Variants in DMTF1 observed in about 807,000 individuals in gnomAD.
The protein encoded by DMTF1 is cyclin-D-binding Myb-like transcription factor 1.
Under a neutral mutation model 91.1 loss-of-function variants are expected in DMTF1, and 39 were observed. That is an observed-to-expected ratio of 0.43 (90% CI 0.33 to 0.56). The LOEUF is 0.56. Ranked by LOEUF, DMTF1 falls within the 20% of genes least tolerant of loss-of-function variation. The pLI is 0.05. For missense variants in DMTF1, 750 were observed against 914.5 expected (o/e 0.82, Z 2.32); for synonymous variants, 338 against 309.5 (o/e 1.09, Z -0.97).
rs551426148 is a variant in DMTF1 at position 87,171,508 on chromosome 7, G to A, written c.327+419G>A. On this transcript the variant is annotated intron_variant, in intron 5 of 17. Coordinates refer to ENST00000331242, the MANE Select transcript of DMTF1 (RefSeq NM_001142327.2). ...ATTTTGACATAGTTTGGTAGTTAATGTACTGTGTCTCCTTCCAGTGATGAG... is the reference window on the plus strand; with the variant it reads ...ATTTTGACATAGTTTGGTAGTTAATATACTGTGTCTCCTTCCAGTGATGAG... Among the ~76,000 whole-genome samples the A allele has an allele frequency of 5.3e-5, 8 of 152,266 alleles. No individual in the cohort carries two copies. The South Asian group carries it at 1.7e-3, about 32-fold the overall frequency.
At chr7:87,157,871 G>A (rs1791179351) in intron 1 of DMTF1, among the ~76,000 whole-genome samples, 1 of 150,974 alleles carries the variant, frequency 6.6e-6, no homozygotes, top group East Asian at 1.9e-4. Flanking sequence ...CCACCAGAAT[G>A]GTTTTATTTT....
At position 87,195,284 on chromosome 7, in the gene DMTF1, T is replaced by A; in HGVS notation, c.*144T>A. 1.7e-6 allele frequency: 1 copy of A among 605,284 alleles called. No individual in the cohort carries two copies. Among genetic ancestry groups the A allele is most frequent in the Non-Finnish European group, 2.9e-6 (1 of 342,510 alleles). 37.5% of individuals were successfully genotyped at this position (605,284 alleles called of 1,614,324 possible). On this transcript the variant is annotated 3_prime_UTR_variant, in exon 18 of 18. Coordinates refer to ENST00000331242, the MANE Select transcript of DMTF1 (RefSeq NM_001142327.2). ...CTTAAGCCACACACATTGTTGCTGCTATGACTTTTTACCTCCTTTAAACAC... is the reference window on the plus strand; with the variant it reads ...CTTAAGCCACACACATTGTTGCTGCAATGACTTTTTACCTCCTTTAAACAC...
At chr7:87,160,189 T>C (rs1476911748) in intron 1 of DMTF1, among the ~76,000 whole-genome samples, 1 of 152,170 alleles carries the variant, frequency 6.6e-6, no homozygotes, top group Non-Finnish European at 1.5e-5. Context: ...ATGTATTCTG[T>C]GTAACAACTG....
chr7:87,174,287 TTTTTTA>T (rs984932797), intron 6 of DMTF1, among the ~76,000 whole-genome samples: 23 of 152,186 alleles, frequency 1.5e-4, no homozygotes, highest in Non-Finnish European at 5.9e-5. Context: ...ATGTTTGGCT[TTTTTTA>T]TTTTTATAAG....
chr7:87,169,100 A>G (rs563764606), intron 4 of DMTF1, among the ~76,000 whole-genome samples: 10 of 152,072 alleles, frequency 6.6e-5, no homozygotes, highest in Non-Finnish European at 1.5e-4. Flanking sequence ...CTTCTGTATC[A>G]CCAGTTTTTC....
intron 1 of DMTF1, among the ~76,000 whole-genome samples, chr7:87,160,276 CTT>C (rs753441691): frequency 6.7e-4 from 90 of 134,534 alleles, no homozygotes; most frequent in Admixed American, 6.7e-4. Flanking sequence ...TTTGTCATTT[CTT>C]TTTTTTTTTT....
Position 87,173,635 on chromosome 7 carries a change from C to T in DMTF1, c.428C>T (p.Ser143Phe). 6.2e-7 allele frequency: 1 copy of T among 1,604,802 alleles called. No individual in the cohort carries two copies. Among genetic ancestry groups the T allele is most frequent in the Non-Finnish European group, 8.5e-7 (1 of 1,174,214 alleles). The change falls in exon 6 of 18, where the codon TCT (serine) becomes TTT (phenylalanine). Residue 143 changes from serine (S) to phenylalanine (F), a missense_variant. Physicochemically the swap from Ser to Phe is radical, Grantham distance 155. This residue lies in a region of DMTF1 where 190 missense variants were observed against 343.8 expected (regional missense o/e 0.55). Coordinates refer to ENST00000331242, the MANE Select transcript of DMTF1 (RefSeq NM_001142327.2). ...TTTACAACTAAAGAAGATAAGGATT[C>T]TCTGACTAATAAAGGTAAGATAACA... ...AWFTTKEDKD[S>F]LTNKGHKWKQ...
At chr7:87,156,112 A>G (rs576403777) in intron 1 of DMTF1, among the ~76,000 whole-genome samples, 5 of 152,304 alleles carry the variant, frequency 3.3e-5, no homozygotes, top group African/African-American at 1.2e-4. Context: ...GGTGCCTTGT[A>G]GAAAAGTACT....
intron 8 of DMTF1, 78 bp downstream of exon 8, chr7:87,179,780 T>C (rs1796951471): frequency 7.6e-7 from 1 of 1,312,208 alleles, no homozygotes; most frequent in Non-Finnish European, 1.0e-6. Flanking sequence ...TTTTAAACAA[T>C]AGAAATATGG....
chr7:87,193,213 C>A lies in DMTF1; in HGVS notation c.1510C>A (p.Pro504Thr). The A allele has an allele frequency of 6.2e-7, 1 of 1,613,172 alleles. No homozygotes were observed. Among genetic ancestry groups the A allele is most frequent in the Non-Finnish European group, 8.5e-7 (1 of 1,179,420 alleles). ...TTTCCTTTAGTCTTTCCATCTACAG[C>A]CCACTGGCACTCCAGGCACCTACCT... ...FEILPSFHLQ[P>T]TGTPGTYLLQ... Residue 504 changes from proline (P) to threonine (T), a missense_variant, in exon 15 of 18, where the codon CCC (proline) becomes ACC (threonine). This residue lies in a region of DMTF1 where 410 missense variants were observed against 420.2 expected (regional missense o/e 0.98). Transcript: ENST00000331242.
intron 10 of DMTF1, among the ~76,000 whole-genome samples, chr7:87,183,308 A>G (rs1376505947): frequency 1.3e-5 from 2 of 152,236 alleles, no homozygotes; most frequent in South Asian, 2.1e-4. Flanking sequence ...GATTTAGGAT[A>G]GGATCTCAGA....
At chr7:87,179,154 T>G (rs983927688) in intron 7 of DMTF1, among the ~76,000 whole-genome samples, 2 of 152,194 alleles carry the variant, frequency 1.3e-5, no homozygotes, top group Admixed American at 1.3e-4. Flanking sequence ...CATTTCAAGT[T>G]TTATTAATCT....
intron 1 of DMTF1, among the ~76,000 whole-genome samples, chr7:87,156,188 A>G (rs909258284): frequency 1.1e-4 from 17 of 152,316 alleles, no homozygotes; most frequent in Admixed American, 1.1e-3. Context: ...TGAACCATGC[A>G]TGAAGTGAAA....
chr7:87,160,986 T>C (rs887515596), intron 1 of DMTF1, among the ~76,000 whole-genome samples: 2 of 152,134 alleles, frequency 1.3e-5, no homozygotes, highest in African/African-American at 2.4e-5. Flanking sequence ...ACTCTAGTTT[T>C]ATATATTTAA....
At chr7:87,182,173 A>AT (rs754721692) in intron 9 of DMTF1, 55 bp from the exon 10 acceptor site, 1 of 1,612,496 alleles carries the variant, frequency 6.2e-7, no homozygotes, top group Admixed American at 1.7e-5. Context: ...AAATGATGAA[A>AT]TTAAAAGGGA....
rs1256802459 is a variant in DMTF1, at chr7:87,171,033, G to A, written c.271G>A (p.Ala91Thr). ...NDQSFEVTMT[A>T]TTEVADDEVT... ...TCAGAGCTTTGAAGTGACCATGACT[G>A]CAACCACAGAAGTAGCAGATGATGA... Residue 91 changes from alanine to threonine, a missense_variant, in exon 5 of 18, where the codon GCA becomes ACA. Around this residue, in one of 3 missense-constraint regions of DMTF1, gnomAD observed 150 missense variants for 150.4 expected, o/e 1.00. Transcript: ENST00000331242. 1 of 1,612,680 alleles carries A rather than the reference G, an allele frequency of 6.2e-7. No homozygotes were observed. Among genetic ancestry groups the A allele is most frequent in the African/African-American group, 1.3e-5 (1 of 74,988 alleles).
intron 5 of DMTF1, 115 bp downstream of exon 5, chr7:87,171,204 C>A: frequency 1.5e-6 from 1 of 666,636 alleles, no homozygotes. Context: ...GCACATGCCA[C>A]TGTGCCCAGG....
chr7:87,179,893 C>T (rs1796972021), intron 8 of DMTF1, among the ~76,000 whole-genome samples, 191 bp downstream of exon 8: 1 of 152,100 alleles, frequency 6.6e-6, no homozygotes, highest in South Asian at 2.1e-4. Context: ...GGATCTAATT[C>T]ACTTTATATA....
intron 14 of DMTF1, among the ~76,000 whole-genome samples, chr7:87,191,342 TAAC>T (rs1043886245): frequency 5.3e-5 from 8 of 152,282 alleles, no homozygotes; most frequent in African/African-American, 1.7e-4. Context: ...ATGAGCAATT[TAAC>T]AACATTCATT....
Sources: gnomAD v4.1 joint callset for allele counts (sites outside exome capture counted in the v4.1 genomes callset) on GRCh38, gnomAD v4.1.1 for gene constraint, gnomAD v4.1.1 regional missense constraint, MANE v1.5 for transcripts, NCBI Gene and HGNC (gene_info 2026-07-23, HGNC 2026-07-21) for gene names.